EPB41L3: variants seen among roughly 807,000 people sequenced by gnomAD.
The protein encoded by EPB41L3 is erythrocyte membrane protein band 4.1 like 3.
In EPB41L3, 57 loss-of-function variants were observed where a neutral mutation model predicts 127.1. The observed-to-expected ratio is 0.45, with a 90% CI of 0.36 to 0.56. The LOEUF is 0.56. Among genes scored for constraint, EPB41L3 ranks in the 20% least tolerant of loss-of-function variants. The pLI is 0.00. For synonymous variants in EPB41L3, 572 were observed against 549.5 expected, an observed-to-expected ratio of 1.04 and a Z score of -0.57; for missense variants, 1,273 against 1,372.2, an observed-to-expected ratio of 0.93 and a Z score of 1.14.
intron 16 of EPB41L3, among the ~76,000 whole-genome samples, chr18:5,406,207 C>T (rs1377691693): frequency 6.6e-6 from 1 of 152,120 alleles, no homozygotes; most frequent in Non-Finnish European, 1.5e-5. Context: ...GACAAGATCA[C>T]CCCACTGCAC....
intron 3 of EPB41L3, among the ~76,000 whole-genome samples, chr18:5,458,294 G>A: frequency 6.6e-6 from 1 of 152,136 alleles, no homozygotes; most frequent in East Asian, 1.9e-4. Context: ...ATCATATAAA[G>A]GTTAACTTCC....
intron 18 of EPB41L3, among the ~76,000 whole-genome samples, 193 bp downstream of exon 18, chr18:5,396,865 C>T (rs543162547): frequency 4.9e-4 from 75 of 152,182 alleles, no homozygotes; most frequent in African/African-American, 1.8e-3. Flanking sequence ...GATATGTTTG[C>T]ATGTGACACC....
intron 1 of EPB41L3, among the ~76,000 whole-genome samples, chr18:5,517,821 AC>A (rs2092812548): frequency 6.6e-6 from 1 of 151,882 alleles, no homozygotes; most frequent in Non-Finnish European, 1.5e-5. Context: ...CCCCGCCACC[AC>A]CAGACGCTTT....
In EPB41L3 at chr18:5,433,949, T is replaced by C. The variant is rs1194372589; in HGVS notation, c.778A>G (p.Thr260Ala). Residue 260 changes from threonine (T) to alanine (A), a missense_variant, in exon 7 of 23, where the codon ACT (threonine) becomes GCT (alanine). Transcript: ENST00000341928. ...ISEFRFAPNH[T>A]KELEDKVIEL... is the part of the protein sequence containing the mutation. ...ATCACTTTGTCTTCCAGTTCTTTAG[T>C]GTGGTTTGGTGCAAAGCGGAACTCA... The C allele has an allele frequency of 2.5e-6, 4 of 1,614,096 alleles. No individual in the cohort carries two copies. In the Admixed American group the frequency reaches 6.7e-5, roughly 27 times the overall value.
chr18:5,470,082 T>G (rs917217672), intron 3 of EPB41L3, among the ~76,000 whole-genome samples: 1 of 152,082 alleles, frequency 6.6e-6, no homozygotes, highest in Non-Finnish European at 1.5e-5. Flanking sequence ...CTGGCTGACT[T>G]TGCATGTTTT....
In EPB41L3 at chr18:5,560,275, G is replaced by C. The variant is rs1197233076; in HGVS notation, c.-306+52065C>G. Among the ~76,000 whole-genome samples, 11 of 152,264 alleles carry C rather than the reference G, an allele frequency of 7.2e-5. No homozygotes were observed. The South Asian group carries it at 1.5e-3, about 20-fold the overall frequency. On this transcript the variant is annotated intron_variant, in intron 3 of 21. Transcript: ENST00000545076. The stretch of plus-strand genomic sequence containing the variant: ...ATGGGTTCCTTTGATTAATGGCATA[G>C]CAACAGCCTGATGAGTGATGGGTGA...
At chr18:5,466,370 T>C (rs751711018) in intron 3 of EPB41L3, 3 of 152,210 alleles carry the variant, frequency 2.0e-5, no homozygotes, top group Non-Finnish European at 2.9e-5. Flanking sequence ...AACTAATTAC[T>C]GCCAGTGTAC....
At chr18:5,623,157 G>A (rs1220345990) in intron 1 of EPB41L3, among the ~76,000 whole-genome samples, 2 of 152,080 alleles carry the variant, frequency 1.3e-5, no homozygotes, top group Non-Finnish European at 2.9e-5. Flanking sequence ...GATGAGCTGG[G>A]TATGGAACAG....
At chr18:5,598,925 C>T (rs1227794023) in intron 3 of EPB41L3, among the ~76,000 whole-genome samples, 1 of 152,152 alleles carries the variant, frequency 6.6e-6, no homozygotes, top group Non-Finnish European at 1.5e-5. Flanking sequence ...GCATCAACTC[C>T]CTTGGAATCT....
At position 5,502,066 on chromosome 18, in the gene EPB41L3, C is replaced by A. The variant is rs138238765; in HGVS notation, c.-11-12872G>T. On this transcript the variant is annotated intron_variant, in intron 1 of 22. Coordinates refer to ENST00000341928, the MANE Select transcript of EPB41L3 (RefSeq NM_012307.5). Reference sequence around the variant, plus strand: ...CCTGCCTCCTGCCTCCTGCCTCCTGCCTCTGAGGTGGCTCAGCAGATAAAA... The same window carrying A: ...CCTGCCTCCTGCCTCCTGCCTCCTGACTCTGAGGTGGCTCAGCAGATAAAA... Among the ~76,000 whole-genome samples the A allele has an allele frequency of 6.4e-3, 961 of 149,918 alleles. 7 individuals carry two copies. Among genetic ancestry groups the A allele is most frequent in the Non-Finnish European group, 0.011 (759 of 67,290 alleles).
At chr18:5,423,314 T>A in intron 11 of EPB41L3, 64 bp downstream of exon 11, 1 of 1,452,640 alleles carries the variant, frequency 6.9e-7, no homozygotes, top group Non-Finnish European at 9.2e-7. Context: ...TGAAAGCTCA[T>A]GACAGTTTCA....
At chr18:5,538,317 T>G (rs1003111483) in intron 1 of EPB41L3, among the ~76,000 whole-genome samples, 3 of 152,222 alleles carry the variant, frequency 2.0e-5, no homozygotes, top group African/African-American at 7.2e-5. Flanking sequence ...GAGTGCTCCA[T>G]TACTGTCTCC....
chr18:5,585,421 A>T (rs2094433714), intron 3 of EPB41L3, among the ~76,000 whole-genome samples: 2 of 152,090 alleles, frequency 1.3e-5, no homozygotes. Flanking sequence ...CTCCTGCCCC[A>T]GACTCCGGAG....
At chr18:5,573,806 T>C (rs927010494) in intron 3 of EPB41L3, among the ~76,000 whole-genome samples, 4 of 152,194 alleles carry the variant, frequency 2.6e-5, no homozygotes, top group Admixed American at 1.3e-4. Context: ...ACTACTTATG[T>C]TTTTAAAAAG....
intron 1 of EPB41L3, chr18:5,521,247 A>G (rs148561040): frequency 3.3e-5 from 5 of 152,332 alleles, no homozygotes; most frequent in African/African-American, 9.6e-5. Flanking sequence ...ATACGTCATT[A>G]AGGCACTCAC....
At chr18:5,545,873 C>G (rs1055936992), upstream of EPB41L3, among the ~76,000 whole-genome samples, 13 of 146,974 alleles carry the variant, frequency 8.8e-5, no homozygotes, top group South Asian at 2.3e-4. Context: ...CTGTATGACT[C>G]TGTGTGTGTG....
At chr18:5,486,396 C>A (rs952999031) in intron 2 of EPB41L3, among the ~76,000 whole-genome samples, 4 of 151,988 alleles carry the variant, frequency 2.6e-5, no homozygotes, top group Non-Finnish European at 5.9e-5. Flanking sequence ...GAAGAAAACA[C>A]TGAGGAAATG....
intron 3 of EPB41L3, chr18:5,466,185 T>C (rs2084948148): frequency 6.6e-6 from 1 of 152,142 alleles, no homozygotes; most frequent in Admixed American, 6.5e-5. Flanking sequence ...ATCATAAAAA[T>C]AGTAAAACCA....
intron 3 of EPB41L3, among the ~76,000 whole-genome samples, chr18:5,449,864 T>C (rs1367466628): frequency 2.0e-5 from 3 of 152,214 alleles, no homozygotes; most frequent in Non-Finnish European, 4.4e-5. Flanking sequence ...TATATACTTA[T>C]GATAAAGTTT....
Sources: gnomAD v4.1 joint callset for allele counts (sites outside exome capture counted in the v4.1 genomes callset) on GRCh38, gnomAD v4.1.1 for gene constraint, MANE v1.5 for transcripts, NCBI Gene and HGNC (gene_info 2026-07-23, HGNC 2026-07-21) for gene names.